CDH8: variants seen among roughly 807,000 people sequenced by gnomAD.
CDH8 encodes cadherin 8.
A neutral mutation model predicts 68.1 loss-of-function variants in CDH8; 17 were observed. The observed-to-expected ratio is 0.25, with a 90% CI of 0.17 to 0.37. The LOEUF is 0.37. CDH8 is among the 10% of genes least tolerant of loss of function. The pLI is 1.00. For missense variants in CDH8, 763 were observed against 999.3 expected, an observed-to-expected ratio of 0.76 and a Z score of 3.19; for synonymous variants, 372 against 365.1, an observed-to-expected ratio of 1.02 and a Z score of -0.21.
intron 10 of CDH8, among the ~76,000 whole-genome samples, chr16:61,680,019 G>A (rs1311284967): frequency 6.6e-6 from 1 of 151,962 alleles, no homozygotes; most frequent in East Asian, 1.9e-4. Flanking sequence ...AAGCTGTCAA[G>A]TGAATGAAAA....
At chr16:61,992,830 C>A (rs919655317) in intron 2 of CDH8, among the ~76,000 whole-genome samples, 11 of 152,088 alleles carry the variant, frequency 7.2e-5, no homozygotes, top group African/African-American at 2.7e-4. Flanking sequence ...GCTCAGTTGT[C>A]CGGGCTGGAG....
At chr16:61,862,135 TCACA>T (rs3069990) in intron 3 of CDH8, among the ~76,000 whole-genome samples, 47,777 of 146,058 alleles carry the variant, frequency 0.33, 8,552 homozygotes, top group African/African-American at 0.51. Context: ...CAAACACCAC[TCACA>T]CACACACACA....
chr16:61,821,194 C>A, intron 5 of CDH8, 81 bp from the exon 6 acceptor site: 22 of 1,070,452 alleles, frequency 2.1e-5, no homozygotes, highest in Non-Finnish European at 3.0e-5. Context: ...TTTTGGGCAC[C>A]TCCTTTGTTC....
At chr16:61,823,951 GCCTTGGA>G (rs1477980603) in intron 5 of CDH8, among the ~76,000 whole-genome samples, 9 of 151,862 alleles carry the variant, frequency 5.9e-5, no homozygotes, top group African/African-American at 2.2e-4. Context: ...AGAAACCACT[GCCTTGGA>G]AAGATGTCTG....
Position 61,709,680 on chromosome 16 carries a change from C to T in CDH8, c.1654+4161G>A, listed in dbSNP as rs1596887298. Among the ~76,000 whole-genome samples the T allele has an allele frequency of 3.3e-5, 5 of 151,988 alleles. 1 individual carries two copies. On this transcript the variant is annotated intron_variant, in intron 10 of 11. Transcript: ENST00000577390. The stretch of plus-strand genomic sequence containing the variant: ...AAGTGATCCCAACAATTGGAAACTA[C>T]CATTGTGTGGAGAAACCTGAGTTTC...
intron 8 of CDH8, among the ~76,000 whole-genome samples, chr16:61,734,827 C>G (rs2142910429): frequency 6.6e-6 from 1 of 152,056 alleles, no homozygotes; most frequent in Non-Finnish European, 1.5e-5. Context: ...CTTGTTTATA[C>G]TAGTTTCCTA....
chr16:61,699,327 C>A (rs116086393), intron 10 of CDH8, among the ~76,000 whole-genome samples: 1 of 152,082 alleles, frequency 6.6e-6, no homozygotes, highest in Non-Finnish European at 1.5e-5. Flanking sequence ...ATTTTAAATT[C>A]TTACTTTGCA....
At position 61,960,015 on chromosome 16, in the gene CDH8, T is replaced by TAC. The variant is rs1162149722; in HGVS notation, c.253-58544_253-58543dup. Reference sequence around the variant, plus strand: ...ATATATATATATATATATATATATATACACACATACACACACACACACAAC... The same window carrying TAC: ...ATATATATATATATATATATATATATACACACACATACACACACACACACAAC... On this transcript the variant is annotated intron_variant, in intron 2 of 11. Coordinates refer to ENST00000577390, the MANE Select transcript of CDH8 (RefSeq NM_001796.5). Among the ~76,000 whole-genome samples the TAC allele has an allele frequency of 1.9e-3, 136 of 73,226 alleles. 17 individuals are homozygous for TAC. Among genetic ancestry groups the TAC allele is most frequent in the African/African-American group, 3.4e-3 (33 of 9,620 alleles). The allele number at this position is 73,226 out of a possible 152,430, so 48.0% of individuals were successfully genotyped here. A position where few individuals can be genotyped will look rare whatever the true frequency, so the allele number is the denominator to read the frequency against.
At chr16:61,928,634 G>A (rs187706484) in intron 2 of CDH8, among the ~76,000 whole-genome samples, 92 of 152,218 alleles carry the variant, frequency 6.0e-4, no homozygotes, top group East Asian at 3.9e-4. Flanking sequence ...AATAGTAGAG[G>A]TTTAGCATTA....
chr16:61,755,363 C>A (rs1172015675), intron 8 of CDH8, among the ~76,000 whole-genome samples: 1 of 152,014 alleles, frequency 6.6e-6, no homozygotes, highest in Admixed American at 6.6e-5. Context: ...ATATAGTATA[C>A]ATTTAATGTA....
intron 2 of CDH8, among the ~76,000 whole-genome samples, chr16:61,923,724 G>A (rs548748524): frequency 4.2e-5 from 6 of 142,220 alleles, no homozygotes; most frequent in Non-Finnish European, 7.6e-5. Flanking sequence ...ATGGCTAGAG[G>A]ATATATATAT....
intron 5 of CDH8, among the ~76,000 whole-genome samples, chr16:61,824,742 C>T (rs137988914): frequency 5.2e-4 from 79 of 152,016 alleles, no homozygotes; most frequent in Middle Eastern, 3.4e-3. Context: ...AGAGAAATAG[C>T]AGGCAAAAGA....
At chr16:61,878,419 T>C (rs2143104286) in intron 3 of CDH8, among the ~76,000 whole-genome samples, 1 of 152,342 alleles carries the variant, frequency 6.6e-6, no homozygotes, top group South Asian at 2.1e-4. Flanking sequence ...CACCATGATT[T>C]TGTTCTATGA....
At chr16:62,026,444 C>T (rs1022203570) in intron 1 of CDH8, among the ~76,000 whole-genome samples, 1 of 152,118 alleles carries the variant, frequency 6.6e-6, no homozygotes, top group African/African-American at 2.4e-5. Flanking sequence ...AAGACCAGCT[C>T]GCAGCTCAGA....
At chr16:61,765,958 T>A (rs1017047084) in intron 8 of CDH8, among the ~76,000 whole-genome samples, 37 of 152,148 alleles carry the variant, frequency 2.4e-4, no homozygotes, top group African/African-American at 7.2e-4. Context: ...CCATTTCCTC[T>A]CTGCATATTT....
chr16:61,926,152 G>GGTGTGT (rs61028306), intron 2 of CDH8, among the ~76,000 whole-genome samples: 4,445 of 142,158 alleles, frequency 0.031, 212 homozygotes, highest in African/African-American at 0.099. Flanking sequence ...ACTCAGAAGG[G>GGTGTGT]GTGTGTGTGT....
intron 8 of CDH8, among the ~76,000 whole-genome samples, chr16:61,729,335 T>A (rs1010678492): frequency 1.3e-5 from 2 of 151,176 alleles, no homozygotes; most frequent in African/African-American, 4.8e-5. Context: ...TAATTACTAC[T>A]ATCTCCTCAA....
At chr16:61,811,902 A>G (rs1298806825) in intron 7 of CDH8, among the ~76,000 whole-genome samples, 1 of 152,196 alleles carries the variant, frequency 6.6e-6, no homozygotes, top group African/African-American at 2.4e-5. Flanking sequence ...GGAAAAAGAA[A>G]ATGGGGCATT....
At chr16:61,733,527 A>G (rs1567445160) in intron 8 of CDH8, among the ~76,000 whole-genome samples, 1 of 152,030 alleles carries the variant, frequency 6.6e-6, no homozygotes. Context: ...TTTTAAAGGA[A>G]ACTATCAAAT....
Sources: allele counts gnomAD v4.1 joint callset (sites outside exome capture counted in the v4.1 genomes callset), GRCh38; gene constraint gnomAD v4.1.1; transcripts MANE v1.5; gene names NCBI Gene and HGNC (gene_info 2026-07-23, HGNC 2026-07-21).